The following ADAMTS17 variants were observed in gnomAD, a reference collection of about 807,000 sequenced individuals.
The protein encoded by ADAMTS17 is ADAM metallopeptidase with thrombospondin type 1 motif 17.
A neutral mutation model predicts 141.5 loss-of-function variants in ADAMTS17; 113 were observed. The observed-to-expected ratio is 0.80, with a 90% CI of 0.69 to 0.93. The LOEUF (loss-of-function observed/expected upper bound fraction) is 0.93. Ranked by LOEUF, ADAMTS17 falls within the 40% of genes least tolerant of loss-of-function variation. The probability of loss-of-function intolerance (pLI) is 0.00; values close to 1 mark genes in which losing one functional copy is unlikely to be tolerated. For missense variants in ADAMTS17, 1,659 were observed against 1,517.9 expected, an observed-to-expected ratio of 1.09 and a Z score of -1.54; for synonymous variants, 768 against 630.6, an observed-to-expected ratio of 1.22 and a Z score of -3.27.
At chr15:100,049,605 A>G (rs4965566) in intron 17 of ADAMTS17, among the ~76,000 whole-genome samples, 48,103 of 152,054 alleles carry the variant, frequency 0.32, 8,710 homozygotes, top group East Asian at 0.49. Context: ...CCCTTCTTAT[A>G]GGTGTTCCCA....
In ADAMTS17 at chr15:100,330,900, T is replaced by C. The variant is rs371369169; in HGVS notation, c.605A>G (p.Lys202Arg). The change falls in exon 3 of 22, where the codon AAG becomes AGG. Residue 202 changes from lysine (K) to arginine (R), a missense_variant. Lys to Arg is a conservative substitution (Grantham distance 26). Transcript: ENST00000268070. ...CTGCCCCGACTCACCTGTTAGAACC[T>C]TGCAGAGCTGCTCAGGTCTCTGGGC... ...AEAQRPEQLC[K>R]VLTEKKKPTW... The C allele has an allele frequency of 5.6e-6, 9 of 1,614,064 alleles. No individual in the cohort carries two copies. The African/African-American group carries it at 1.2e-4, about 22-fold the overall frequency.
At chr15:100,165,806 G>A (rs1269228804) in intron 8 of ADAMTS17, among the ~76,000 whole-genome samples, 1 of 152,204 alleles carries the variant, frequency 6.6e-6, no homozygotes, top group African/African-American at 2.4e-5. Context: ...AAAGGCTGTA[G>A]GATGTTAAGA....
intron 13 of ADAMTS17, among the ~76,000 whole-genome samples, chr15:100,113,352 C>T (rs2036910520): frequency 6.6e-6 from 1 of 152,174 alleles, no homozygotes; most frequent in Non-Finnish European, 1.5e-5. Flanking sequence ...GGCAGCAAAA[C>T]CAGCCTGGAC....
At chr15:100,098,214 T>A (rs1279309857) in intron 14 of ADAMTS17, among the ~76,000 whole-genome samples, 3 of 151,906 alleles carry the variant, frequency 2.0e-5, no homozygotes, top group Non-Finnish European at 4.4e-5. Flanking sequence ...CTGCAATGCT[T>A]TGCCGGGGCT....
intron 14 of ADAMTS17, among the ~76,000 whole-genome samples, chr15:100,108,162 T>C (rs575038649): frequency 1.3e-5 from 2 of 151,590 alleles, no homozygotes; most frequent in South Asian, 2.1e-4. Context: ...TCCTTCCTTC[T>C]TCTCGCATTC....
intron 18 of ADAMTS17, among the ~76,000 whole-genome samples, chr15:100,010,168 C>T (rs2573661): frequency 0.13 from 20,358 of 152,234 alleles, 1,681 homozygotes; most frequent in African/African-American, 0.23. Flanking sequence ...GAGGCCTCCC[C>T]TGCCACGTGC....
chr15:100,337,140 C>T (rs946331511), intron 2 of ADAMTS17, among the ~76,000 whole-genome samples: 1 of 152,252 alleles, frequency 6.6e-6, no homozygotes, highest in African/African-American at 2.4e-5. Flanking sequence ...TTCCAAAGTG[C>T]TGGGATTACA....
chr15:100,063,614 A>G, intron 15 of ADAMTS17: 1 of 1,267,470 alleles, frequency 7.9e-7, no homozygotes, highest in Non-Finnish European at 1.0e-6. Flanking sequence ...GAACCAATTT[A>G]CCAGACTGAT....
chr15:100,045,141 A>ACAG (rs2031584070), intron 18 of ADAMTS17, among the ~76,000 whole-genome samples: 2 of 149,982 alleles, frequency 1.3e-5, no homozygotes, highest in African/African-American at 5.1e-5. Flanking sequence ...CCACATTAAA[A>ACAG]TAACCTCAAA....
chr15:100,100,488 C>G (rs1199890494), intron 14 of ADAMTS17, among the ~76,000 whole-genome samples: 1 of 152,160 alleles, frequency 6.6e-6, no homozygotes, highest in East Asian at 1.9e-4. Context: ...CCAAAGCTGC[C>G]TGACCTCTTA....
chr15:100,213,534 G>T (rs1489241177), intron 7 of ADAMTS17, among the ~76,000 whole-genome samples: 4 of 152,280 alleles, frequency 2.6e-5, no homozygotes, highest in African/African-American at 9.6e-5. Context: ...GTCAGCATGG[G>T]AACAGAAAAG....
At chr15:100,333,866 GAAAT>G (rs751574298) in intron 2 of ADAMTS17, among the ~76,000 whole-genome samples, 5 of 152,204 alleles carry the variant, frequency 3.3e-5, no homozygotes. Flanking sequence ...AAACTTTGTA[GAAAT>G]AAATGCCTAT....
chr15:100,296,357 G>A (rs1458342190), intron 3 of ADAMTS17, among the ~76,000 whole-genome samples: 2 of 152,048 alleles, frequency 1.3e-5, no homozygotes, highest in Non-Finnish European at 2.9e-5. Context: ...TCCTAGCCAG[G>A]TGAAGTTTTC....
In ADAMTS17 at chr15:100,089,926, T is replaced by A. The variant is rs578151427; in HGVS notation, c.2137+6430A>T. Among the ~76,000 whole-genome samples the A allele has an allele frequency of 4.6e-5, 7 of 151,128 alleles. No individual in the cohort carries two copies. In the South Asian group the frequency reaches 1.5e-3, roughly 32 times the overall value. Reference sequence around the variant, plus strand: ...GCAGCACACCAAGATGGCACTTGTATACATATGTAACAAACCTGCCTGTTG... The same window carrying A: ...GCAGCACACCAAGATGGCACTTGTAAACATATGTAACAAACCTGCCTGTTG... On this transcript the variant is annotated intron_variant, in intron 15 of 21. Coordinates refer to ENST00000268070, the MANE Select transcript of ADAMTS17 (RefSeq NM_139057.4).
At chr15:100,107,871 G>GCTGA (rs1010618052) in intron 14 of ADAMTS17, among the ~76,000 whole-genome samples, 1 of 152,268 alleles carries the variant, frequency 6.6e-6, no homozygotes, top group African/African-American at 2.4e-5. Context: ...AGGTGCCCAA[G>GCTGA]CTGACTAAGA....
intron 16 of ADAMTS17, among the ~76,000 whole-genome samples, chr15:100,052,419 A>G (rs2032217602): frequency 6.6e-6 from 1 of 152,226 alleles, no homozygotes; most frequent in African/African-American, 2.4e-5. Flanking sequence ...AGCCATCAAT[A>G]TTAAGCGAGG....
intron 12 of ADAMTS17, 21 bp from the exon 13 acceptor site, chr15:100,117,034 T>C: frequency 1.9e-6 from 3 of 1,590,756 alleles, no homozygotes; most frequent in Non-Finnish European, 2.6e-6. Context: ...GAAGAAGGTC[T>C]GTGTTAACCA....
At chr15:100,140,736 G>A (rs1351083611) in intron 10 of ADAMTS17, among the ~76,000 whole-genome samples, 1 of 151,512 alleles carries the variant, frequency 6.6e-6, no homozygotes, top group East Asian at 2.0e-4. Flanking sequence ...CTTCCCACTG[G>A]TTACACTACC....
intron 3 of ADAMTS17, among the ~76,000 whole-genome samples, chr15:100,292,158 C>T (rs144802416): frequency 5.1e-4 from 71 of 139,388 alleles, no homozygotes; most frequent in African/African-American, 1.8e-3. Context: ...GACACGCTCA[C>T]CCCGTGGGAA....
Sources: gnomAD v4.1 joint callset for allele counts (sites outside exome capture counted in the v4.1 genomes callset) on GRCh38, gnomAD v4.1.1 for gene constraint, MANE v1.5 for transcripts, NCBI Gene and HGNC (gene_info 2026-07-23, HGNC 2026-07-21) for gene names.